The following DNAH1 variants were observed in gnomAD, a reference collection of about 807,000 sequenced individuals.
The protein encoded by DNAH1 is dynein axonemal heavy chain 1.
A neutral mutation model predicts 484.3 loss-of-function variants in DNAH1; 327 were observed. The observed-to-expected ratio is 0.68, with a 90% CI of 0.62 to 0.74. The LOEUF (loss-of-function observed/expected upper bound fraction) is 0.74, where lower values mean the gene tolerates loss of function less well. DNAH1 is among the 30% of genes least tolerant of loss of function. The pLI, the probability that DNAH1 is intolerant of heterozygous loss-of-function variation, is 0.00. For missense variants in DNAH1, 5,052 were observed against 5,546.8 expected, an observed-to-expected ratio of 0.91 and a Z score of 2.83; for synonymous variants, 2,192 against 2,191.9, an observed-to-expected ratio of 1.00 and a Z score of 0.00.
chr3:52,327,409 G>A (rs1701386606), intron 5 of DNAH1, among the ~76,000 whole-genome samples: 1 of 152,148 alleles, frequency 6.6e-6, no homozygotes. Context: ...TCTCTCGCCT[G>A]GTGGTCCCTG....
At position 52,382,316 on chromosome 3, in the gene DNAH1, C is replaced by T. The variant is rs1703885380; in HGVS notation, c.7806-4C>T. The T allele has an allele frequency of 6.2e-7, 1 of 1,613,956 alleles. No homozygotes were observed. The highest frequency in any genetic ancestry group is 8.5e-7 in the Non-Finnish European group (1 of 1,179,888). On this transcript the variant is annotated splice_polypyrimidine_tract_variant and splice_region_variant and intron_variant, in intron 49 of 77. Coordinates refer to ENST00000420323, the MANE Select transcript of DNAH1 (RefSeq NM_015512.5). ...CATGCTTCAACCCAAACTTCTGCCTCCAGGGCCGAGTACGAGTGCTTCCAG... is the reference window on the plus strand; with the variant it reads ...CATGCTTCAACCCAAACTTCTGCCTTCAGGGCCGAGTACGAGTGCTTCCAG...
At position 52,395,054 on chromosome 3, in the gene DNAH1, C is replaced by A; in HGVS notation, c.10963C>A (p.Pro3655Thr). Reference protein sequence around the residue: ...ATNLEPRFIEPQTANLSVVFK... With the variant: ...ATNLEPRFIETQTANLSVVFK... The stretch of plus-strand genomic sequence containing the variant: ...CAACCTGGAGCCACGCTTCATTGAA[C>A]CCCAGGCAAGTGCTGGAACCCTGGC... The change falls in exon 68 of 78, where the codon CCC becomes ACC. Residue 3655 changes from proline (P) to threonine (T), a missense_variant. Pro to Thr is a conservative substitution (Grantham distance 38, BLOSUM62 -1). Transcript: ENST00000420323. This position sits in a 1 kb window ranked among gnomAD's most constrained non-coding sequence, Gnocchi z 4.4. 2 of 1,608,088 alleles carry A rather than the reference C, an allele frequency of 1.2e-6. No individual in the cohort carries two copies. Among genetic ancestry groups the A allele is most frequent in the Non-Finnish European group, 1.7e-6 (2 of 1,177,264 alleles).
intron 35 of DNAH1, 75 bp from the exon 36 acceptor site, chr3:52,366,658 C>T (rs1461224388): frequency 1.9e-6 from 3 of 1,554,304 alleles, no homozygotes; most frequent in Non-Finnish European, 2.6e-6. Flanking sequence ...GAATACCCCT[C>T]CCCCTCCCCT....
At position 52,366,519 on chromosome 3, in the gene DNAH1, G is replaced by A. The variant is rs762445479; in HGVS notation, c.5581G>A (p.Val1861Ile). 93 of 1,601,054 alleles carry A rather than the reference G, an allele frequency of 5.8e-5. No homozygotes were observed. Among genetic ancestry groups the A allele is most frequent in the Non-Finnish European group, 7.1e-5 (83 of 1,174,298 alleles). ...GGTGGTACGACACGGCCTCATGCTC[G>A]TCGGGCCCACAGGCTCCGGCAAGAG... is the stretch of plus-strand genomic sequence containing the variant. Reference protein sequence around the residue: ...TTVVRHGLMLVGPTGSGKSTC... With the variant: ...TTVVRHGLMLIGPTGSGKSTC... Residue 1861 changes from valine to isoleucine, a missense_variant, in exon 35 of 78, where the codon GTC becomes ATC. Around this residue, in one of 4 missense-constraint regions of DNAH1, gnomAD observed 2,929 missense variants for 3,409.4 expected, o/e 0.86. Coordinates refer to ENST00000420323, the MANE Select transcript of DNAH1 (RefSeq NM_015512.5).
At chr3:52,392,149 TG>T (rs958303723) in intron 63 of DNAH1, among the ~76,000 whole-genome samples, 5 of 152,214 alleles carry the variant, frequency 3.3e-5, no homozygotes, top group African/African-American at 9.6e-5. Flanking sequence ...CCTGAAGGCC[TG>T]CCCTGGGTAT....
In DNAH1 at chr3:52,393,461, G is replaced by C. The variant is rs763222753; in HGVS notation, c.10602G>C (p.Met3534Ile). ...CCTTCCTGCTGTGTGTTCGCATCAT[G>C]ATGAACGAGGGCAAAATCAACCAGG... ...MFAFLLCVRI[M>I]MNEGKINQSE... Residue 3534 changes from methionine to isoleucine, a missense_variant, in exon 66 of 78, where the codon ATG becomes ATC. Met to Ile is a conservative substitution (Grantham distance 10, BLOSUM62 1). Around this residue, in one of 4 missense-constraint regions of DNAH1, gnomAD observed 2,929 missense variants for 3,409.4 expected, o/e 0.86. Transcript: ENST00000420323. 8 of 1,613,918 alleles carry C rather than the reference G, an allele frequency of 5.0e-6. No homozygotes were observed. In the South Asian group the frequency reaches 8.8e-5, roughly 18 times the overall value.
rs1702327799 is a variant in DNAH1, at chr3:52,350,436, G to A, written c.2647-72G>A. On this transcript the variant is annotated intron_variant, in intron 15 of 77. Transcript: ENST00000420323. ...CAGCCCCTCTCTAGTACCCGTCTCTGGGGAGCCAGGTTCCGATTACCCACC... is the reference window on the plus strand; with the variant it reads ...CAGCCCCTCTCTAGTACCCGTCTCTAGGGAGCCAGGTTCCGATTACCCACC... The A allele has an allele frequency of 6.3e-6, 9 of 1,418,058 alleles. No individual in the cohort carries two copies. The Admixed American group carries it at 1.3e-4, about 20-fold the overall frequency. The allele number at this position is 1,418,058 out of a possible 1,614,324, so 87.8% of individuals were successfully genotyped here.
Position 52,359,940 on chromosome 3 carries a change from C to G in DNAH1, c.4432C>G (p.Arg1478Gly), listed in dbSNP as rs766970512. 1 of 1,613,802 alleles carries G rather than the reference C, an allele frequency of 6.2e-7. No individual in the cohort carries two copies. Among genetic ancestry groups the G allele is most frequent in the South Asian group, 1.1e-5 (1 of 91,082 alleles). The part of the protein sequence containing the change: ...QQLSDLVALV[R>G]GKLSRMQRAV... ...GCTCAGTGATCTGGTGGCCCTTGTG[C>G]GGGGGAAGCTGTCCCGCATGCAGCG... The change falls in exon 27 of 78, where the codon CGG (arginine) becomes GGG (glycine). Residue 1478 changes from arginine to glycine, a missense_variant. This residue lies in a region of DNAH1 where 2,929 missense variants were observed against 3,409.4 expected (regional missense o/e 0.86). Coordinates refer to ENST00000420323, the MANE Select transcript of DNAH1 (RefSeq NM_015512.5).
chr3:52,323,253 TGA>T (rs2153222841), intron 2 of DNAH1, among the ~76,000 whole-genome samples: 1 of 150,962 alleles, frequency 6.6e-6, no homozygotes, highest in Admixed American at 6.6e-5. Flanking sequence ...CTGGGGTCCC[TGA>T]GAGAGGGCAC....
In DNAH1 at chr3:52,350,543, C is replaced by T. The variant is rs200711241; in HGVS notation, c.2682C>T (p.Val894=). Residue 894 remains valine (V), a synonymous_variant, in exon 16 of 78, where the codon GTC becomes GTT. Coordinates refer to ENST00000420323, the MANE Select transcript of DNAH1 (RefSeq NM_015512.5). ...RIVKVMDDYQ[V]MDEFLYNLSS... is the part of the protein sequence containing the mutation. The stretch of plus-strand genomic sequence containing the variant: ...TGAAGGTCATGGATGACTACCAGGT[C>T]ATGGATGAATTCCTCTACAACCTCA... The T allele has an allele frequency of 1.2e-6, 2 of 1,613,974 alleles. No homozygotes were observed. The highest frequency in any genetic ancestry group is 1.7e-6 in the Non-Finnish European group (2 of 1,179,862).
At chr3:52,399,279 G>C in intron 76 of DNAH1, 78 bp downstream of exon 76, 1 of 1,437,916 alleles carries the variant, frequency 7.0e-7, no homozygotes. Flanking sequence ...GGCCACGGTT[G>C]GTTGGCAGTT....
chr3:52,382,179 GT>G (rs1338972099), intron 49 of DNAH1, 140 bp from the exon 50 acceptor site: 2 of 1,377,002 alleles, frequency 1.5e-6, no homozygotes, highest in African/African-American at 1.5e-5. Flanking sequence ...AAAAAAGCAG[GT>G]TCAGGGCCTG....
chr3:52,383,345 C>T, intron 50 of DNAH1, 41 bp from the exon 51 acceptor site: 1 of 1,570,938 alleles, frequency 6.4e-7, no homozygotes, highest in Non-Finnish European at 8.7e-7. Flanking sequence ...TATAGTCCAA[C>T]ATGCAGGGGC....
At chr3:52,346,846 G>A in intron 11 of DNAH1, 76 bp downstream of exon 11, 2 of 1,487,594 alleles carry the variant, frequency 1.3e-6, no homozygotes, top group Admixed American at 2.0e-5. Flanking sequence ...CAGGGTCAGG[G>A]ACCAGGGCCA....
At position 52,354,911 on chromosome 3, in the gene DNAH1, C is replaced by A. The variant is rs758600796; in HGVS notation, c.3549C>A (p.Asp1183Glu). 1 of 1,614,044 alleles carries A rather than the reference C, an allele frequency of 6.2e-7. No homozygotes were observed. The highest frequency in any genetic ancestry group is 1.7e-5 in the Admixed American group (1 of 60,036). Residue 1183 changes from aspartate to glutamate, a missense_variant, in exon 21 of 78, where the codon GAC becomes GAA. Transcript: ENST00000420323. The stretch of plus-strand genomic sequence containing the variant: ...ATGTACTGCCCTACAAGGCGACAGA[C>A]ACCTACATCCTGAAGAGCCCGGACG... ...LFNVLPYKATDTYILKSPDEA... is the reference protein window; with the variant it reads ...LFNVLPYKATETYILKSPDEA...
In DNAH1 at chr3:52,366,728, C is replaced by T. The variant is rs1254727293; in HGVS notation, c.5611-5C>T. Reference sequence around the variant, plus strand: ...AGCCTCACTCTCAGGCGGTCCGTCTCCCAGTGTTACAGAGTCCTGGCAGCT... The same window carrying T: ...AGCCTCACTCTCAGGCGGTCCGTCTTCCAGTGTTACAGAGTCCTGGCAGCT... On this transcript the variant is annotated splice_polypyrimidine_tract_variant and splice_region_variant and intron_variant, in intron 35 of 77. Transcript: ENST00000420323. The T allele has an allele frequency of 1.9e-6, 3 of 1,607,384 alleles. No individual in the cohort carries two copies. Among genetic ancestry groups the T allele is most frequent in the Non-Finnish European group, 2.6e-6 (3 of 1,175,198 alleles).
At chr3:52,375,901 G>A (rs970663737) in intron 45 of DNAH1, 54 bp from the exon 46 acceptor site, 97 of 1,601,980 alleles carry the variant, frequency 6.1e-5, no homozygotes, top group Non-Finnish European at 7.9e-5. Flanking sequence ...GCCAGGGTGA[G>A]CAGCAAGAGG....
rs1704118255 is a variant in DNAH1, at chr3:52,386,542, A to G, written c.8812-120A>G. 3.1e-6 allele frequency: 4 copies of G among 1,296,250 alleles called. No individual in the cohort carries two copies. The African/African-American group carries it at 4.5e-5, about 15-fold the overall frequency. The allele number at this position is 1,296,250 out of a possible 1,614,324, so 80.3% of individuals were successfully genotyped here. A position where few individuals can be genotyped will look rare whatever the true frequency, so the allele number is the denominator to read the frequency against. The stretch of plus-strand genomic sequence containing the variant: ...GAGGCCAACCTCGGTGGATCTCTGG[A>G]TATGCCCGTGTCCTGTGGTAGTAGA... On this transcript the variant is annotated intron_variant, in intron 55 of 77. Coordinates refer to ENST00000420323, the MANE Select transcript of DNAH1 (RefSeq NM_015512.5).
intron 44 of DNAH1, chr3:52,373,725 G>T: frequency 7.2e-7 from 1 of 1,383,246 alleles, no homozygotes; most frequent in Non-Finnish European, 1.0e-6. Context: ...TTTTGACTTT[G>T]TTTCTGATCC....
Sources: gnomAD v4.1 joint callset for allele counts (sites outside exome capture counted in the v4.1 genomes callset) on GRCh38, gnomAD v4.1.1 for gene constraint, gnomAD v4.1.1 regional missense constraint, Gnocchi (gnomAD v3.1) non-coding constraint, MANE v1.5 for transcripts, NCBI Gene and HGNC (gene_info 2026-07-23, HGNC 2026-07-21) for gene names.